The following CNTN5 variants were observed in gnomAD, a reference collection of about 807,000 sequenced individuals.
CNTN5 encodes the protein contactin 5.
A neutral mutation model predicts 129.1 loss-of-function variants in CNTN5; 77 were observed. The observed-to-expected ratio is 0.60, with a 90% CI of 0.50 to 0.72. The LOEUF (loss-of-function observed/expected upper bound fraction) is 0.72, where lower values mean the gene tolerates loss of function less well. Among genes scored for constraint, CNTN5 ranks in the 30% least tolerant of loss-of-function variants. The pLI, the probability that CNTN5 is intolerant of heterozygous loss-of-function variation, is 0.00. For missense variants in CNTN5, 1,478 were observed against 1,328.8 expected, an observed-to-expected ratio of 1.11 and a Z score of -1.75; for synonymous variants, 509 against 465.6, an observed-to-expected ratio of 1.09 and a Z score of -1.20.
rs10750287 is a variant in CNTN5, at chr11:99,388,432, C to A, written c.-71+62948C>A. ...CCGGTCTCAAAAAAAAAAAAAAAAA[C>A]ATGTTTTCACAGCTCCTGTATTTCT... On this transcript the variant is annotated intron_variant, in intron 2 of 24. Transcript: ENST00000524871. Among the ~76,000 whole-genome samples, 27 of 144,648 alleles carry A rather than the reference C, an allele frequency of 1.9e-4. 2 individuals carry two copies. The highest frequency in any genetic ancestry group is 3.5e-3 in the Middle Eastern group (1 of 282). 94.9% of individuals were successfully genotyped at this position (144,648 alleles called of 152,430 possible).
At chr11:99,291,925 A>C (rs570409403) in intron 1 of CNTN5, among the ~76,000 whole-genome samples, 226 of 152,196 alleles carry the variant, frequency 1.5e-3, no homozygotes, top group Non-Finnish European at 2.0e-3. Flanking sequence ...TAAAATTTGA[A>C]TCATGCTGTG....
intron 8 of CNTN5, among the ~76,000 whole-genome samples, chr11:99,995,342 A>G (rs1024694471): frequency 1.3e-5 from 2 of 152,094 alleles, no homozygotes; most frequent in Non-Finnish European, 2.9e-5. Context: ...AAAAAACAAT[A>G]AATACCACAA....
At chr11:99,403,390 T>C (rs1941920364) in intron 2 of CNTN5, among the ~76,000 whole-genome samples, 1 of 152,194 alleles carries the variant, frequency 6.6e-6, no homozygotes, top group African/African-American at 2.4e-5. Flanking sequence ...TTTTTTTTCT[T>C]CTACAAATTT....
chr11:99,937,586 C>T (rs964865017), intron 7 of CNTN5, among the ~76,000 whole-genome samples: 1 of 152,094 alleles, frequency 6.6e-6, no homozygotes, highest in Non-Finnish European at 1.5e-5. Flanking sequence ...ACTCTGGGTG[C>T]CATTTTAGTG....
At chr11:99,371,317 T>C (rs1939808714) in intron 2 of CNTN5, among the ~76,000 whole-genome samples, 1 of 151,944 alleles carries the variant, frequency 6.6e-6, no homozygotes, top group Admixed American at 6.6e-5. Context: ...TATATACATA[T>C]ACTATATATA....
chr11:99,963,596 C>T (rs1320350094), intron 8 of CNTN5, among the ~76,000 whole-genome samples: 1 of 152,114 alleles, frequency 6.6e-6, no homozygotes, highest in Admixed American at 6.6e-5. Context: ...TAGTGTGATG[C>T]CTCCAGCTTT....
intron 13 of CNTN5, among the ~76,000 whole-genome samples, chr11:100,085,714 ATAAT>A (rs1427849558): frequency 6.6e-6 from 1 of 152,138 alleles, no homozygotes; most frequent in Non-Finnish European, 1.5e-5. Context: ...CTGATTATAA[ATAAT>A]TAAATCATAG....
At chr11:99,368,893 G>A (rs1403968362) in intron 2 of CNTN5, among the ~76,000 whole-genome samples, 2 of 152,020 alleles carry the variant, frequency 1.3e-5, no homozygotes, top group Non-Finnish European at 2.9e-5. Context: ...AAGCAGTAGG[G>A]TGAGTTAGTG....
intron 13 of CNTN5, among the ~76,000 whole-genome samples, chr11:100,093,189 T>C (rs17094327): frequency 0.02 from 3,049 of 152,198 alleles, 113 homozygotes; most frequent in African/African-American, 0.07. Flanking sequence ...CTCACAGTTA[T>C]GATCTAGCTG....
intron 8 of CNTN5, among the ~76,000 whole-genome samples, chr11:99,998,133 G>T (rs6590498): frequency 0.45 from 66,265 of 147,568 alleles, 15,459 homozygotes; most frequent in African/African-American, 0.6. Flanking sequence ...CTATTCAACA[G>T]AGTGTTGGAA....
intron 7 of CNTN5, among the ~76,000 whole-genome samples, chr11:99,929,518 G>A (rs1258162502): frequency 6.6e-6 from 1 of 152,158 alleles, no homozygotes; most frequent in African/African-American, 2.4e-5. Context: ...TGACAGTTCT[G>A]CAGGGCTGGG....
At chr11:99,213,400 ATACACATATATG>A (rs1342420136) in intron 1 of CNTN5, among the ~76,000 whole-genome samples, 96 of 135,908 alleles carry the variant, frequency 7.1e-4, no homozygotes, top group Non-Finnish European at 1.0e-3. Flanking sequence ...ACGTGTATAT[ATACACATATATG>A]TATATACATA....
rs150573365 is a variant in CNTN5 at position 99,196,579 on chromosome 11, C to T, written c.-209-128767C>T. Reference sequence around the variant, plus strand: ...CAAAATTTGCTAACTTCTATTTTTCCACTACATTGAAGTAATTGAAGTATA... The same window carrying T: ...CAAAATTTGCTAACTTCTATTTTTCTACTACATTGAAGTAATTGAAGTATA... On this transcript the variant is annotated intron_variant, in intron 1 of 24. Coordinates refer to ENST00000524871, the MANE Select transcript of CNTN5 (RefSeq NM_014361.4). Among the ~76,000 whole-genome samples the T allele has an allele frequency of 2.5e-3, 381 of 151,868 alleles. 1 individual carries two copies. The highest frequency in any genetic ancestry group is 0.023 in the East Asian group (117 of 5,176).
At chr11:100,052,774 A>G (rs1943022983) in intron 9 of CNTN5, among the ~76,000 whole-genome samples, 2 of 151,778 alleles carry the variant, frequency 1.3e-5, no homozygotes, top group Admixed American at 6.6e-5. Context: ...AAACAAACTT[A>G]GAAGACTTGC....
intron 1 of CNTN5, among the ~76,000 whole-genome samples, chr11:99,208,461 A>G (rs1042484953): frequency 1.3e-5 from 2 of 152,160 alleles, no homozygotes; most frequent in African/African-American, 4.8e-5. Context: ...AAAGGGTCAT[A>G]CTTATTACCA....
intron 6 of CNTN5, among the ~76,000 whole-genome samples, chr11:99,913,110 A>T (rs897521978): frequency 6.6e-6 from 1 of 152,030 alleles, no homozygotes; most frequent in South Asian, 2.1e-4. Flanking sequence ...AACATGATAG[A>T]CACTGAACCT....
chr11:100,047,127 CGGAAAAACTA>C, intron 9 of CNTN5, among the ~76,000 whole-genome samples: 1 of 151,670 alleles, frequency 6.6e-6, no homozygotes, highest in Non-Finnish European at 1.5e-5. Flanking sequence ...GTGTACAGGG[CGGAAAAACTA>C]AGAAAAACTA....
chr11:99,459,860 C>T (rs575610154), intron 2 of CNTN5, among the ~76,000 whole-genome samples: 1 of 151,746 alleles, frequency 6.6e-6, no homozygotes, highest in East Asian at 1.9e-4. Flanking sequence ...GTGAGAAGGG[C>T]AATTAAAGAA....
At chr11:99,734,528 G>T (rs1305875112) in intron 3 of CNTN5, among the ~76,000 whole-genome samples, 1 of 152,026 alleles carries the variant, frequency 6.6e-6, no homozygotes, top group Non-Finnish European at 1.5e-5. Flanking sequence ...GAGACATTCA[G>T]GATTACAAAA....
Sources: gnomAD v4.1 joint callset for allele counts (sites outside exome capture counted in the v4.1 genomes callset) on GRCh38, gnomAD v4.1.1 for gene constraint, MANE v1.5 for transcripts, NCBI Gene and HGNC (gene_info 2026-07-23, HGNC 2026-07-21) for gene names.